The following BTBD9 variants were observed in gnomAD, a reference collection of about 807,000 sequenced individuals.
BTBD9 encodes the protein BTB/POZ domain-containing protein 9.
A neutral mutation model predicts 64.3 loss-of-function variants in BTBD9; 49 were observed. The ratio of observed to expected loss-of-function variants is 0.76; its 90% CI spans 0.61 to 0.97. BTBD9 has a LOEUF of 0.97. Ranked by LOEUF, BTBD9 falls within the 50% of genes least tolerant of loss-of-function variation. The pLI is 0.00. For missense variants in BTBD9, 598 were observed against 762.1 expected (o/e 0.78, Z 2.53); for synonymous variants, 260 against 274.7 (o/e 0.95, Z 0.53).
intron 8 of BTBD9, among the ~76,000 whole-genome samples, chr6:38,274,472 A>C (rs1765306717): frequency 1.3e-5 from 2 of 152,056 alleles, no homozygotes; most frequent in Admixed American, 1.3e-4. Flanking sequence ...TTCAAAGGGA[A>C]TGCTTCCAGT....
intron 9 of BTBD9, among the ~76,000 whole-genome samples, chr6:38,198,645 C>T (rs1225300322): frequency 1.3e-5 from 2 of 152,190 alleles, no homozygotes; most frequent in African/African-American, 4.8e-5. Flanking sequence ...AACTTTTCTG[C>T]AGCAGACCTG....
chr6:38,348,421 G>A (rs1201036241), intron 6 of BTBD9, among the ~76,000 whole-genome samples: 35 of 152,210 alleles, frequency 2.3e-4, no homozygotes, highest in Admixed American at 1.6e-3. Flanking sequence ...CTTCATCAGT[G>A]TGTAGAGAGG....
chr6:38,254,182 G>A lies in BTBD9; in HGVS notation c.1562+2227C>T, dbSNP rs115506659. Among the ~76,000 whole-genome samples the A allele has an allele frequency of 5.6e-3, 854 of 151,368 alleles. 3 individuals are homozygous for A. Among genetic ancestry groups the A allele is most frequent in the Middle Eastern group, 0.01 (3 of 294 alleles). On this transcript the variant is annotated intron_variant, in intron 9 of 10. Coordinates refer to ENST00000481247, the MANE Select transcript of BTBD9 (RefSeq NM_001099272.2). ...AGAACAACAAGAAAGAAGCTGCCTC[G>A]GTTCCTGTCACTTCTGGGAAAATCA... is the stretch of plus-strand genomic sequence containing the variant.
intron 10 of BTBD9, among the ~76,000 whole-genome samples, chr6:38,187,098 C>G (rs921933688): frequency 1.3e-5 from 2 of 152,192 alleles, no homozygotes; most frequent in Non-Finnish European, 2.9e-5. Flanking sequence ...TAATTAGTAA[C>G]ATGAAATGGA....
At position 38,334,661 on chromosome 6, in the gene BTBD9, AAAC is replaced by A. The variant is rs554753521; in HGVS notation, c.1264+10320_1264+10322del. Among the ~76,000 whole-genome samples, 136 of 151,912 alleles carry A rather than the reference AAAC, an allele frequency of 9.0e-4. 2 individuals are homozygous for A. The East Asian group carries it at 0.013, about 14-fold the overall frequency. ...TAAAATAATAAAATAAAATAAAACA[AAAC>A]AAAACAAAACAAAACAAAAACAAGC... On this transcript the variant is annotated intron_variant, in intron 7 of 10. Transcript: ENST00000481247.
chr6:38,410,010 T>C (rs527824842), intron 6 of BTBD9, among the ~76,000 whole-genome samples: 2 of 152,236 alleles, frequency 1.3e-5, no homozygotes, highest in African/African-American at 4.8e-5. Flanking sequence ...AACCGTTATA[T>C]TTTCTGGGCT....
At chr6:38,300,812 C>G (rs1762365668) in intron 7 of BTBD9, among the ~76,000 whole-genome samples, 1 of 152,106 alleles carries the variant, frequency 6.6e-6, no homozygotes, top group Non-Finnish European at 1.5e-5. Context: ...CAAACAGGGA[C>G]AATTTGACTT....
intron 7 of BTBD9, among the ~76,000 whole-genome samples, chr6:38,341,096 A>T (rs1372837746): frequency 6.6e-6 from 1 of 152,234 alleles, no homozygotes; most frequent in African/African-American, 2.4e-5. Context: ...TAGACAGATA[A>T]ATAGAAGAGA....
intron 6 of BTBD9, among the ~76,000 whole-genome samples, chr6:38,552,225 G>T (rs917046045): frequency 6.6e-6 from 1 of 152,104 alleles, no homozygotes; most frequent in Non-Finnish European, 1.5e-5. Context: ...CTATCTTCAG[G>T]CCAACAACAC....
At position 38,385,016 on chromosome 6, in the gene BTBD9, C is replaced by G. The variant is rs570944099; in HGVS notation, c.1155-39923G>C. Among the ~76,000 whole-genome samples the G allele has an allele frequency of 5.8e-4, 88 of 151,636 alleles. 1 individual carries two copies. The highest frequency in any genetic ancestry group is 5.1e-3 in the Admixed American group (77 of 15,218). ...TGCTTCAGTGTCAATTCCGGTATCC[C>G]TGAATGTATTCAGGATCAGTGACCA... On this transcript the variant is annotated intron_variant, in intron 6 of 10. Transcript: ENST00000481247.
chr6:38,176,624 C>T (rs1176386716), intron 10 of BTBD9, among the ~76,000 whole-genome samples: 1 of 152,146 alleles, frequency 6.6e-6, no homozygotes, highest in Non-Finnish European at 1.5e-5. Context: ...GGTCCATCTG[C>T]AGGGCTTACC....
chr6:38,615,137 T>G lies in BTBD9; in HGVS notation c.-27-17016A>C, dbSNP rs58362455. ...GTTGATCCCTTGTTGGGACCATGCT[T>G]CTTCTTTTCACCTTCCATCATCCAA... On this transcript the variant is annotated intron_variant, in intron 1 of 10. Coordinates refer to ENST00000481247, the MANE Select transcript of BTBD9 (RefSeq NM_001099272.2). Among the ~76,000 whole-genome samples the G allele has an allele frequency of 0.02, 3,109 of 152,294 alleles. 239 individuals are homozygous for G. In the East Asian group the frequency reaches 0.22, roughly 11 times the overall value.
At chr6:38,341,982 A>G (rs1010271481) in intron 7 of BTBD9, among the ~76,000 whole-genome samples, 1 of 152,224 alleles carries the variant, frequency 6.6e-6, no homozygotes, top group East Asian at 1.9e-4. Flanking sequence ...GGCATGACAC[A>G]CAGTCATAAA....
At chr6:38,284,223 G>A (rs1169049407) in intron 8 of BTBD9, among the ~76,000 whole-genome samples, 1 of 152,046 alleles carries the variant, frequency 6.6e-6, no homozygotes, top group Non-Finnish European at 1.5e-5. Context: ...GAAGTTGGAG[G>A]CTTCATACTG....
At chr6:38,540,405 G>T (rs925897700) in intron 6 of BTBD9, among the ~76,000 whole-genome samples, 1 of 152,210 alleles carries the variant, frequency 6.6e-6, no homozygotes, top group African/African-American at 2.4e-5. Flanking sequence ...TGATAAATTG[G>T]TTTATGTTAC....
At chr6:38,289,035 T>C (rs1051415226) in intron 7 of BTBD9, among the ~76,000 whole-genome samples, 12 of 152,026 alleles carry the variant, frequency 7.9e-5, no homozygotes, top group African/African-American at 2.4e-4. Context: ...TTTAGAGCTA[T>C]ATACATAAAA....
intron 10 of BTBD9, among the ~76,000 whole-genome samples, chr6:38,183,830 T>C (rs970433150): frequency 3.9e-5 from 6 of 152,164 alleles, no homozygotes; most frequent in Non-Finnish European, 7.3e-5. Flanking sequence ...TCACAAGTGA[T>C]TCCTGAGAGC....
chr6:38,581,849 C>T (rs1776296596), intron 4 of BTBD9, among the ~76,000 whole-genome samples: 1 of 152,092 alleles, frequency 6.6e-6, no homozygotes, highest in African/African-American at 2.4e-5. Flanking sequence ...CTCATATATA[C>T]ATATATTTTC....
At chr6:38,289,381 AT>A (rs1267264923) in intron 7 of BTBD9, among the ~76,000 whole-genome samples, 9 of 152,024 alleles carry the variant, frequency 5.9e-5, no homozygotes, top group African/African-American at 1.2e-4. Flanking sequence ...CTCAAAAAAA[AT>A]TTTTTTTAAT....
Sources: gnomAD v4.1 joint callset for allele counts (sites outside exome capture counted in the v4.1 genomes callset) on GRCh38, gnomAD v4.1.1 for gene constraint, MANE v1.5 for transcripts, NCBI Gene and HGNC (gene_info 2026-07-23, HGNC 2026-07-21) for gene names.